Variants in RPL27A observed in about 807,000 individuals in gnomAD.
RPL27A encodes large ribosomal subunit protein uL15.
For missense variants in RPL27A, 118 were observed against 189.4 expected (o/e 0.62, Z 2.21); for synonymous variants, 69 against 68.3 (o/e 1.01, Z -0.05).
rs1432324195 is a variant in RPL27A at position 8,687,757 on chromosome 11, T to G, written c.*1951T>G. 6.6e-6 allele frequency: 1 copy of G among 152,204 alleles called. No individual in the cohort carries two copies. Among genetic ancestry groups the G allele is most frequent in the Non-Finnish European group, 1.5e-5 (1 of 68,084 alleles). 9.4% of individuals were successfully genotyped at this position (152,204 alleles called of 1,614,324 possible). On this transcript the variant is annotated 3_prime_UTR_variant, in exon 5 of 5. Transcript: ENST00000314138. ...CATTCTCCTGCCTCAGCTTCCCAAG[T>G]AGCTGGGACTACAGGCGCCCGCCAC...
chr11:8,686,906 A>G lies in RPL27A; in HGVS notation c.*1100A>G, dbSNP rs1330206891. The G allele has an allele frequency of 6.6e-6, 1 of 152,190 alleles. No individual in the cohort carries two copies. Among genetic ancestry groups the G allele is most frequent in the Admixed American group, 6.5e-5 (1 of 15,278 alleles). The allele number at this position is 152,190 out of a possible 1,614,324, so 9.4% of individuals were successfully genotyped here. ...ATAATACAGTCTAAAACTATAGACA[A>G]ATAAGATGGCACTTAGACTCCTGGG... On this transcript the variant is annotated 3_prime_UTR_variant, in exon 5 of 5. Transcript: ENST00000314138.
intron 2 of RPL27A, 71 bp from the exon 3 acceptor site, chr11:8,683,935 G>A (rs772523729): frequency 8.0e-7 from 1 of 1,244,678 alleles, no homozygotes; most frequent in Non-Finnish European, 1.2e-6. Context: ...ACCCCCCCTC[G>A]TCCTCCTAAA....
At chr11:8,683,010 C>A in intron 1 of RPL27A, 192 bp from the exon 2 acceptor site, 2 of 870,804 alleles carry the variant, frequency 2.3e-6, no homozygotes, top group African/African-American at 1.7e-5. Flanking sequence ...CGGTTCGGAT[C>A]TCTAGGACAC....
chr11:8,683,407 C>T (rs2039530635), intron 2 of RPL27A, 142 bp downstream of exon 2: 1 of 686,908 alleles, frequency 1.5e-6, no homozygotes, highest in South Asian at 1.7e-5. Flanking sequence ...TTCTGACGAT[C>T]CTCTAGTATT....
At chr11:8,685,549 G>C (rs568260552) in intron 4 of RPL27A, 129 bp from the exon 5 acceptor site, 1 of 1,025,974 alleles carries the variant, frequency 9.7e-7, no homozygotes, top group South Asian at 1.3e-5. Flanking sequence ...GCCCCCGTTA[G>C]TGCCCAGATC....
At chr11:8,683,131 C>T (rs1052333376) in intron 1 of RPL27A, 71 bp from the exon 2 acceptor site, 3 of 1,465,166 alleles carry the variant, frequency 2.0e-6, no homozygotes, top group African/African-American at 2.8e-5. Context: ...CTTACAGGAC[C>T]ATCTCGGCTG....
At chr11:8,682,838 T>A in intron 1 of RPL27A, 22 bp downstream of exon 1, 1 of 1,609,468 alleles carries the variant, frequency 6.2e-7, no homozygotes, top group Non-Finnish European at 8.5e-7. Flanking sequence ...GTTTCTTGCC[T>A]CCTCTTCCTT....
At position 8,685,924 on chromosome 11, in the gene RPL27A, A is replaced by G. The variant is rs2039583250; in HGVS notation, c.*118A>G. Reference sequence around the variant, plus strand: ...ATTGGGAGCCCAGGTTCTAGTACTTAGGGTATGAAGACATGGGGTCCTCTC... The same window carrying G: ...ATTGGGAGCCCAGGTTCTAGTACTTGGGGTATGAAGACATGGGGTCCTCTC... On this transcript the variant is annotated 3_prime_UTR_variant, in exon 5 of 5. Transcript: ENST00000314138. 1.3e-5 allele frequency: 12 copies of G among 938,040 alleles called. No individual in the cohort carries two copies. The Admixed American group carries it at 2.8e-4, about 22-fold the overall frequency. 58.1% of individuals were successfully genotyped at this position (938,040 alleles called of 1,614,324 possible).
In RPL27A at chr11:8,684,074, G is replaced by A; in HGVS notation, c.136G>A (p.Asp46Asn). The A allele has an allele frequency of 6.2e-7, 1 of 1,613,342 alleles. No homozygotes were observed. Among genetic ancestry groups the A allele is most frequent in the Non-Finnish European group, 8.5e-7 (1 of 1,179,650 alleles). ...GGLHHHRINFDKYHPGYFGKV... is the reference protein window; with the variant it reads ...GGLHHHRINFNKYHPGYFGKV... Reference sequence around the variant, plus strand: ...TCTGCATCACCACCGGATCAACTTCGACAAATAGTAAGTGTCCTTGGACTG... The same window carrying A: ...TCTGCATCACCACCGGATCAACTTCAACAAATAGTAAGTGTCCTTGGACTG... The change falls in exon 3 of 5, where the codon GAC becomes AAC. Residue 46 changes from aspartate to asparagine, a missense_variant. By Grantham distance (23) the Asp-to-Asn change is conservative. Transcript: ENST00000314138.
intron 4 of RPL27A, 120 bp downstream of exon 4, chr11:8,685,012 T>C: frequency 3.0e-6 from 3 of 992,228 alleles, no homozygotes; most frequent in Non-Finnish European, 4.8e-6. Context: ...ATATTCTTCC[T>C]GTGGTAGAAT....
rs1253451393 is a variant in RPL27A at position 8,687,447 on chromosome 11, A to G, written c.*1641A>G. 2 of 145,972 alleles carry G rather than the reference A, an allele frequency of 1.4e-5. No homozygotes were observed. The highest frequency in any genetic ancestry group is 5.0e-5 in the African/African-American group (2 of 40,202). The allele number at this position is 145,972 out of a possible 1,614,324, so 9.0% of individuals were successfully genotyped here. The stretch of plus-strand genomic sequence containing the variant: ...TTAGGGCCCATAGAGGACTTGTAAT[A>G]TGGAACCTGAATCCAAGGATCCCAC... On this transcript the variant is annotated 3_prime_UTR_variant, in exon 5 of 5. Transcript: ENST00000314138.
rs905252149 is a variant in RPL27A, at chr11:8,685,050, A to G, written c.318+158A>G. ...TCATAGGTAGTTCCCTATCCGTAGC[A>G]GTGCCTACTGTCACTGCCCAGGTTG... On this transcript the variant is annotated intron_variant, in intron 4 of 4. Transcript: ENST00000314138. 5.4e-6 allele frequency: 4 copies of G among 744,664 alleles called. 1 individual carries two copies. Among genetic ancestry groups the G allele is most frequent in the South Asian group, 5.0e-5 (3 of 60,124 alleles). The allele number at this position is 744,664 out of a possible 1,614,324, so 46.1% of individuals were successfully genotyped here. A position where few individuals can be genotyped will look rare whatever the true frequency, so the allele number is the denominator to read the frequency against.
In RPL27A at chr11:8,682,811, A is replaced by G. The variant is rs764192308; in HGVS notation, c.-3A>G. The G allele has an allele frequency of 3.7e-6, 6 of 1,612,994 alleles. No homozygotes were observed. The highest frequency in any genetic ancestry group is 3.3e-5 in the Admixed American group (2 of 59,870). On this transcript the variant is annotated 5_prime_UTR_variant, in exon 1 of 5. Transcript: ENST00000314138. ...GCCTTCCTTTTTCGTCTGGGCTGCC[A>G]ACATGGTAGGTGTTTCGTTTCTTGC... is the stretch of plus-strand genomic sequence containing the variant.
In RPL27A at chr11:8,685,589, A is replaced by G. The variant is rs762308191; in HGVS notation, c.319-89A>G. The G allele has an allele frequency of 6.9e-6, 10 of 1,439,126 alleles. No individual in the cohort carries two copies. In the East Asian group the frequency reaches 2.1e-4, roughly 30 times the overall value. The allele number at this position is 1,439,126 out of a possible 1,614,324, so 89.1% of individuals were successfully genotyped here. A position where few individuals can be genotyped will look rare whatever the true frequency, so the allele number is the denominator to read the frequency against. ...ACATACATACCCTGCCTAGGGATTTAGAAAGTGGGTTGGCAGTCTTTCCTC... is the reference window on the plus strand; with the variant it reads ...ACATACATACCCTGCCTAGGGATTTGGAAAGTGGGTTGGCAGTCTTTCCTC... On this transcript the variant is annotated intron_variant, in intron 4 of 4. Coordinates refer to ENST00000314138, the MANE Select transcript of RPL27A (RefSeq NM_000990.5).
chr11:8,684,996 AC>A, intron 4 of RPL27A, 104 bp downstream of exon 4: 1 of 1,105,230 alleles, frequency 9.0e-7, no homozygotes, highest in Non-Finnish European at 1.4e-6. Flanking sequence ...TACCTACCAG[AC>A]ATTGATATTC....
At chr11:8,684,962 C>T in intron 4 of RPL27A, 70 bp downstream of exon 4, 2 of 1,411,306 alleles carry the variant, frequency 1.4e-6, no homozygotes, top group South Asian at 2.3e-5. Context: ...ATCTAATCCA[C>T]TTATATAATC....
At chr11:8,682,981 G>A (rs1592234027) in intron 1 of RPL27A, 165 bp downstream of exon 1, 2 of 1,012,446 alleles carry the variant, frequency 2.0e-6, no homozygotes, top group East Asian at 5.0e-5. Context: ...GGGGCTCCCG[G>A]AGCCGTGTGT....
Position 8,686,041 on chromosome 11 carries a change from T to C in RPL27A, c.*235T>C. 2.0e-6 allele frequency: 1 copy of C among 490,322 alleles called. No individual in the cohort carries two copies. Among genetic ancestry groups the C allele is most frequent in the East Asian group, 3.6e-5 (1 of 27,964 alleles). The allele number at this position is 490,322 out of a possible 1,614,324, so 30.4% of individuals were successfully genotyped here. A position where few individuals can be genotyped will look rare whatever the true frequency, so the allele number is the denominator to read the frequency against. On this transcript the variant is annotated 3_prime_UTR_variant, in exon 5 of 5. Transcript: ENST00000314138. Reference sequence around the variant, plus strand: ...TTTATAAAGTCAGAATAATACCTGTTGATCACTGAAAGGCCTGCATGTATT... The same window carrying C: ...TTTATAAAGTCAGAATAATACCTGTCGATCACTGAAAGGCCTGCATGTATT...
chr11:8,684,685 G>A lies in RPL27A; in HGVS notation c.144-33G>A, dbSNP rs759801476. ...TGATAAACATAGCATCTTAATTGGA[G>A]TGTGTATGAAGGTGGTTGTTACCTC... On this transcript the variant is annotated intron_variant, in intron 3 of 4. Coordinates refer to ENST00000314138, the MANE Select transcript of RPL27A (RefSeq NM_000990.5). 8 of 1,589,396 alleles carry A rather than the reference G, an allele frequency of 5.0e-6. No individual in the cohort carries two copies. In the Admixed American group the frequency reaches 8.4e-5, roughly 17 times the overall value.
Sources: allele counts gnomAD v4.1 joint callset, GRCh38; gene constraint gnomAD v4.1.1; transcripts MANE v1.5; gene names NCBI Gene and HGNC (gene_info 2026-07-23, HGNC 2026-07-21).